The following FAM8A1 variants were observed in gnomAD, a reference collection of about 807,000 sequenced individuals.
The protein encoded by FAM8A1 is protein FAM8A1.
A neutral mutation model predicts 38.3 loss-of-function variants in FAM8A1; 18 were observed. That is an observed-to-expected ratio of 0.47 (90% CI 0.33 to 0.70). FAM8A1 has a LOEUF of 0.70. Among genes scored for constraint, FAM8A1 ranks in the 30% least tolerant of loss-of-function variants. The pLI, the probability that FAM8A1 is intolerant of heterozygous loss-of-function variation, is 0.03. For synonymous variants in FAM8A1, 246 were observed against 234.4 expected (o/e 1.05, Z -0.45); for missense variants, 559 against 559.6 (o/e 1.00, Z 0.01).
intron 4 of FAM8A1, 50 bp downstream of exon 4, chr6:17,606,063 T>C (rs1561841815): frequency 7.3e-7 from 1 of 1,374,236 alleles, no homozygotes; most frequent in Non-Finnish European, 9.6e-7. Flanking sequence ...GAAAATAATG[T>C]GTTTTAGAAT....
rs1466723789 is a variant in FAM8A1 at position 17,609,311 on chromosome 6, T to G, written c.*972T>G. On this transcript the variant is annotated 3_prime_UTR_variant, in exon 5 of 5. Coordinates refer to ENST00000259963, the MANE Select transcript of FAM8A1 (RefSeq NM_016255.3). ...ACAGCATATTCACATACTACTTTCC[T>G]TATATTTTATATAGTTCTATGACTG... is the stretch of plus-strand genomic sequence containing the variant. 2 of 152,204 alleles carry G rather than the reference T, an allele frequency of 1.3e-5. No individual in the cohort carries two copies. Among genetic ancestry groups the G allele is most frequent in the African/African-American group, 4.8e-5 (2 of 41,450 alleles). 9.4% of individuals were successfully genotyped at this position (152,204 alleles called of 1,614,324 possible).
At chr6:17,606,349 C>T (rs755818269) in intron 4 of FAM8A1, among the ~76,000 whole-genome samples, 89 of 152,068 alleles carry the variant, frequency 5.9e-4, no homozygotes, top group African/African-American at 1.9e-3. Context: ...TACAGGTGCC[C>T]GCCACCACGC....
chr6:17,604,790 C>A (rs1221330092), intron 2 of FAM8A1, 116 bp from the exon 3 acceptor site: 4 of 789,492 alleles, frequency 5.1e-6, no homozygotes, highest in South Asian at 1.8e-5. Context: ...GGTTGGGAAT[C>A]TAAAGATTAG....
chr6:17,600,949 C>A lies in FAM8A1; in HGVS notation c.540C>A (p.Pro180=), dbSNP rs952067931. The change falls in exon 1 of 5, where the codon CCC becomes CCA. Residue 180 remains proline, a synonymous_variant. Coordinates refer to ENST00000259963, the MANE Select transcript of FAM8A1 (RefSeq NM_016255.3). ...GYYNPFYFLS[P]GAAGPDPRTA... is the part of the protein sequence containing the mutation. Reference sequence around the variant, plus strand: ...ACAACCCCTTCTACTTCCTGAGCCCCGGGGCCGCGGGGCCTGACCCGCGGA... The same window carrying A: ...ACAACCCCTTCTACTTCCTGAGCCCAGGGGCCGCGGGGCCTGACCCGCGGA... The A allele has an allele frequency of 3.8e-6, 6 of 1,591,464 alleles. No individual in the cohort carries two copies. Among genetic ancestry groups the A allele is most frequent in the East Asian group, 2.3e-5 (1 of 44,200 alleles).
At chr6:17,606,766 C>T (rs1764058320) in intron 4 of FAM8A1, among the ~76,000 whole-genome samples, 1 of 152,058 alleles carries the variant, frequency 6.6e-6, no homozygotes, top group African/African-American at 2.4e-5. Flanking sequence ...TCAAGGTTAG[C>T]TGTTGGCATC....
Position 17,600,728 on chromosome 6 carries a change from C to G in FAM8A1, c.319C>G (p.Arg107Gly). The G allele has an allele frequency of 6.4e-7, 1 of 1,570,352 alleles. No homozygotes were observed. The highest frequency in any genetic ancestry group is 8.6e-7 in the Non-Finnish European group (1 of 1,159,454). Reference sequence around the variant, plus strand: ...CGCGGCGCCACGAGAGAGACCAGCTCGGCTGAGCGCCCGCGAGTACTCCCG... The same window carrying G: ...CGCGGCGCCACGAGAGAGACCAGCTGGGCTGAGCGCCCGCGAGTACTCCCG... ...EAAAPRERPARLSAREYSRQV... is the reference protein window; with the variant it reads ...EAAAPRERPAGLSAREYSRQV... Residue 107 changes from arginine to glycine, a missense_variant, in exon 1 of 5, where the codon CGG (arginine) becomes GGG (glycine). By Grantham distance (125) the Arg-to-Gly change is moderately radical. Around this residue, in one of 2 missense-constraint regions of FAM8A1, gnomAD observed 393 missense variants for 338.9 expected, o/e 1.16. Transcript: ENST00000259963.
At chr6:17,605,495 A>G (rs1764040948) in intron 3 of FAM8A1, among the ~76,000 whole-genome samples, 1 of 152,188 alleles carries the variant, frequency 6.6e-6, no homozygotes, top group African/African-American at 2.4e-5. Flanking sequence ...TTAACTAATC[A>G]TTAAGTAAAA....
Position 17,600,660 on chromosome 6 carries a change from G to C in FAM8A1, c.251G>C (p.Gly84Ala). Residue 84 changes from glycine (G) to alanine (A), a missense_variant, in exon 1 of 5, where the codon GGT (glycine) becomes GCT (alanine). Transcript: ENST00000259963. ...CGCGGGGAGGCGGCCTCCGGCTCCG[G>C]TGCAGAGCTGCAGGAGCAGGCGGGC... ...RKRGEAASGS[G>A]AELQEQAGCE... 1 of 1,582,452 alleles carries C rather than the reference G, an allele frequency of 6.3e-7. No homozygotes were observed. Among genetic ancestry groups the C allele is most frequent in the South Asian group, 1.1e-5 (1 of 88,742 alleles).
intron 2 of FAM8A1, among the ~76,000 whole-genome samples, chr6:17,603,791 G>T (rs1416418940): frequency 6.6e-6 from 1 of 151,834 alleles, no homozygotes; most frequent in Non-Finnish European, 1.5e-5. Context: ...TCCCTATGTT[G>T]CCCAGGCTGG....
rs767153063 is a variant in FAM8A1 at position 17,602,657 on chromosome 6, C to T, written c.780C>T (p.Leu260=). The T allele has an allele frequency of 2.3e-5, 37 of 1,612,436 alleles. No homozygotes were observed. Among genetic ancestry groups the T allele is most frequent in the Non-Finnish European group, 2.9e-5 (34 of 1,179,614 alleles). Reference sequence around the variant, plus strand: ...CAGAGATGGTGGATTTCTTTATTCTCTTCTTTATAAAAGCAACCATTGTCT... The same window carrying T: ...CAGAGATGGTGGATTTCTTTATTCTTTTCTTTATAAAAGCAACCATTGTCT... ...FMAEMVDFFI[L]FFIKATIVLS... The change falls in exon 2 of 5, where the codon CTC becomes CTT. Residue 260 remains leucine, a synonymous_variant. Transcript: ENST00000259963.
chr6:17,605,804 G>C, intron 3 of FAM8A1, 70 bp from the exon 4 acceptor site: 1 of 1,362,596 alleles, frequency 7.3e-7, no homozygotes, highest in Non-Finnish European at 9.8e-7. Flanking sequence ...AAATAATATG[G>C]TGGGAAAAGT....
chr6:17,608,076 G>C (rs1581642208), intron 4 of FAM8A1, 119 bp from the exon 5 acceptor site: 4 of 1,066,102 alleles, frequency 3.8e-6, no homozygotes, highest in African/African-American at 1.6e-5. Context: ...TTTCCCTGTA[G>C]ACTTCTGTAG....
chr6:17,603,387 G>A (rs1764011933), intron 2 of FAM8A1, among the ~76,000 whole-genome samples: 1 of 152,188 alleles, frequency 6.6e-6, no homozygotes, highest in Non-Finnish European at 1.5e-5. Context: ...AACCTAAAAT[G>A]TTACAAAGGT....
Position 17,601,191 on chromosome 6 carries a change from C to G in FAM8A1, c.712+70C>G, listed in dbSNP as rs1008689561. On this transcript the variant is annotated intron_variant, in intron 1 of 4. Transcript: ENST00000259963. ...GGGGGCCTGTGGGGTAGAGCTGGCA[C>G]GCTTTTTAGACCTGTAACTGCTGCT... 3.0e-5 allele frequency: 46 copies of G among 1,515,628 alleles called. 2 individuals carry two copies. The highest frequency in any genetic ancestry group is 1.2e-4 in the South Asian group (10 of 81,202). The allele number at this position is 1,515,628 out of a possible 1,614,324, so 93.9% of individuals were successfully genotyped here.
In FAM8A1 at chr6:17,600,576, C is replaced by T. The variant is rs1022004790; in HGVS notation, c.167C>T (p.Pro56Leu). Residue 56 changes from proline (P) to leucine (L), a missense_variant, in exon 1 of 5, where the codon CCG becomes CTG. Physicochemically the swap from Pro to Leu is moderately conservative, Grantham distance 98. This residue lies in a region of FAM8A1 where 393 missense variants were observed against 338.9 expected (regional missense o/e 1.16). Coordinates refer to ENST00000259963, the MANE Select transcript of FAM8A1 (RefSeq NM_016255.3). ...CAGGCCCCGGGCCGGCCCACAGCCC[C>T]GGGCCTCGCGGCTGCCGCCGCAGCC... ...EPQAPGRPTA[P>L]GLAAAAAADK... The T allele has an allele frequency of 2.0e-6, 3 of 1,493,966 alleles. No individual in the cohort carries two copies. The African/African-American group carries it at 4.4e-5, about 22-fold the overall frequency. 92.5% of individuals were successfully genotyped at this position (1,493,966 alleles called of 1,614,324 possible). A position where few individuals can be genotyped will look rare whatever the true frequency, so the allele number is the denominator to read the frequency against.
chr6:17,600,953 G>A lies in FAM8A1; in HGVS notation c.544G>A (p.Ala182Thr). Residue 182 changes from alanine to threonine, a missense_variant, in exon 1 of 5, where the codon GCC becomes ACC. Coordinates refer to ENST00000259963, the MANE Select transcript of FAM8A1 (RefSeq NM_016255.3). ...CCCCTTCTACTTCCTGAGCCCCGGGGCCGCGGGGCCTGACCCGCGGACAGC... is the reference window on the plus strand; with the variant it reads ...CCCCTTCTACTTCCTGAGCCCCGGGACCGCGGGGCCTGACCCGCGGACAGC... The part of the protein sequence containing the change: ...YNPFYFLSPG[A>T]AGPDPRTAAG... 6.3e-7 allele frequency: 1 copy of A among 1,592,336 alleles called. No individual in the cohort carries two copies. Among genetic ancestry groups the A allele is most frequent in the Non-Finnish European group, 8.5e-7 (1 of 1,171,764 alleles).
At chr6:17,604,209 C>T (rs1315684803) in intron 2 of FAM8A1, among the ~76,000 whole-genome samples, 2 of 152,110 alleles carry the variant, frequency 1.3e-5, no homozygotes, top group Non-Finnish European at 2.9e-5. Context: ...CCATGCTCAG[C>T]CCCTTCAATG....
In FAM8A1 at chr6:17,608,249, T is replaced by A. The variant is rs1456316153; in HGVS notation, c.1152T>A (p.Ala384=). The change falls in exon 5 of 5, where the codon GCT becomes GCA. Residue 384 remains alanine (A), a synonymous_variant. Coordinates refer to ENST00000259963, the MANE Select transcript of FAM8A1 (RefSeq NM_016255.3). Reference sequence around the variant, plus strand: ...TTTCAATTGCTTCTTTTTTCCCTGCTTTCATCACACTGCTGTTTTTTCAGC... The same window carrying A: ...TTTCAATTGCTTCTTTTTTCCCTGCATTCATCACACTGCTGTTTTTTCAGC... ...KNFSIASFFP[A]FITLLFFQHN... 1.2e-6 allele frequency: 2 copies of A among 1,613,782 alleles called. No individual in the cohort carries two copies. The highest frequency in any genetic ancestry group is 1.7e-6 in the Non-Finnish European group (2 of 1,179,830).
chr6:17,606,102 G>A (rs1764050282), intron 4 of FAM8A1, 89 bp downstream of exon 4: 2 of 951,558 alleles, frequency 2.1e-6, no homozygotes, highest in Non-Finnish European at 1.4e-6. Context: ...ATAGTAGATA[G>A]GCTTATATTT....
Sources: allele counts gnomAD v4.1 joint callset (sites outside exome capture counted in the v4.1 genomes callset), GRCh38; gene constraint gnomAD v4.1.1; regional missense constraint gnomAD v4.1.1; transcripts MANE v1.5; gene names NCBI Gene and HGNC (gene_info 2026-07-23, HGNC 2026-07-21).